The following STX17 variants were observed in gnomAD, a reference collection of about 807,000 sequenced individuals.
STX17 encodes the protein syntaxin-17.
A neutral mutation model predicts 35.9 loss-of-function variants in STX17; 29 were observed. The observed-to-expected ratio is 0.81, with a 90% CI of 0.60 to 1.10. STX17 has a LOEUF of 1.10. Among genes scored for constraint, STX17 ranks in the 50% least tolerant of loss-of-function variants. The pLI, the probability that STX17 is intolerant of heterozygous loss-of-function variation, is 0.00. For synonymous variants in STX17, 92 were observed against 118.3 expected, an observed-to-expected ratio of 0.78 and a Z score of 1.44; for missense variants, 312 against 352.3, an observed-to-expected ratio of 0.89 and a Z score of 0.92.
At chr9:99,945,684 G>A (rs1317738619) in intron 3 of STX17, 2 of 354,394 alleles carry the variant, frequency 5.6e-6, no homozygotes, top group East Asian at 2.0e-4. Flanking sequence ...TATTGATCTT[G>A]TTTTTTTTAA....
At chr9:99,960,288 A>AG (rs1295755445) in intron 6 of STX17, 133 bp downstream of exon 6, 1 of 894,028 alleles carries the variant, frequency 1.1e-6, no homozygotes, top group African/African-American at 1.7e-5. Context: ...CATAGATAGA[A>AG]GTTTAACTGT....
At chr9:99,908,061 C>A (rs950219677) in intron 1 of STX17, among the ~76,000 whole-genome samples, 3 of 152,174 alleles carry the variant, frequency 2.0e-5, no homozygotes, top group African/African-American at 7.2e-5. Flanking sequence ...CCAGTGTTCT[C>A]TCATGATTAG....
intron 1 of STX17, among the ~76,000 whole-genome samples, chr9:99,907,659 A>T (rs1411812622): frequency 6.6e-6 from 1 of 152,188 alleles, no homozygotes; most frequent in East Asian, 1.9e-4. Flanking sequence ...ATACTAAAAA[A>T]CTTTTTTATT....
At chr9:99,919,465 A>T (rs897272719) in intron 2 of STX17, among the ~76,000 whole-genome samples, 7 of 152,284 alleles carry the variant, frequency 4.6e-5, no homozygotes, top group Admixed American at 3.9e-4. Context: ...GCAGGCTTAC[A>T]TTTTAGCTTT....
intron 1 of STX17, among the ~76,000 whole-genome samples, chr9:99,909,898 CCTA>C: frequency 6.6e-6 from 1 of 151,920 alleles, no homozygotes; most frequent in Non-Finnish European, 1.5e-5. Context: ...TAAATATATA[CCTA>C]CTACTAATAT....
intron 1 of STX17, among the ~76,000 whole-genome samples, chr9:99,908,397 C>A (rs1449102624): frequency 6.6e-6 from 1 of 152,126 alleles, no homozygotes; most frequent in Non-Finnish European, 1.5e-5. Flanking sequence ...TTCCTCATTT[C>A]TTTATTAATT....
At position 99,969,449 on chromosome 9, in the gene STX17, G is replaced by A. The variant is rs893433275; in HGVS notation, c.*776G>A. ...TATGAAAAGTTCTTTGGTTTCTGGG[G>A]TGAATTCTACCCATGTATAATGAGG... On this transcript the variant is annotated 3_prime_UTR_variant, in exon 8 of 8. Coordinates refer to ENST00000259400, the MANE Select transcript of STX17 (RefSeq NM_017919.3). 2.0e-5 allele frequency: 3 copies of A among 152,082 alleles called. No individual in the cohort carries two copies. Among genetic ancestry groups the A allele is most frequent in the African/African-American group, 7.2e-5 (3 of 41,398 alleles). The allele number at this position is 152,082 out of a possible 1,614,324, so 9.4% of individuals were successfully genotyped here.
At chr9:99,958,448 A>C (rs1170872052) in intron 4 of STX17, among the ~76,000 whole-genome samples, 1 of 152,238 alleles carries the variant, frequency 6.6e-6, no homozygotes, top group Non-Finnish European at 1.5e-5. Context: ...ATCTGTTAAC[A>C]ATAGCAGCAG....
chr9:99,925,164 G>T (rs1360012833), intron 2 of STX17, among the ~76,000 whole-genome samples: 1 of 150,470 alleles, frequency 6.6e-6, no homozygotes, highest in African/African-American at 2.4e-5. Context: ...TTTTTTTAGT[G>T]GTTGCTTTAT....
chr9:99,967,463 G>GA (rs1829937596), intron 6 of STX17, 190 bp from the exon 7 acceptor site: 2 of 344,208 alleles, frequency 5.8e-6, no homozygotes, highest in Admixed American at 4.9e-5. Flanking sequence ...TAATAATTAA[G>GA]ACCCCCCCCT....
chr9:99,920,619 C>G (rs186171436), intron 2 of STX17, among the ~76,000 whole-genome samples: 1 of 152,174 alleles, frequency 6.6e-6, no homozygotes. Context: ...GGCACTACTT[C>G]AAACTACCTC....
At chr9:99,954,899 G>A (rs1384968454) in intron 4 of STX17, among the ~76,000 whole-genome samples, 1 of 152,084 alleles carries the variant, frequency 6.6e-6, no homozygotes, top group Non-Finnish European at 1.5e-5. Context: ...TAAGTTTAGG[G>A]AGAAGCTGTG....
intron 4 of STX17, among the ~76,000 whole-genome samples, chr9:99,956,912 A>G (rs973439282): frequency 2.0e-5 from 3 of 152,248 alleles, no homozygotes; most frequent in African/African-American, 7.2e-5. Flanking sequence ...TTGAGAGAAC[A>G]TGAACTTAGA....
At chr9:99,926,782 G>A (rs1828994856) in intron 2 of STX17, among the ~76,000 whole-genome samples, 1 of 152,224 alleles carries the variant, frequency 6.6e-6, no homozygotes, top group African/African-American at 2.4e-5. Context: ...ACAGGCGTGA[G>A]CCACTGCGCC....
At chr9:99,955,296 G>GTA (rs1162033812) in intron 4 of STX17, among the ~76,000 whole-genome samples, 1 of 151,940 alleles carries the variant, frequency 6.6e-6, no homozygotes, top group Non-Finnish European at 1.5e-5. Context: ...TTTATCACAG[G>GTA]TATATACATG....
chr9:99,945,841 G>T, intron 3 of STX17: 1 of 262,446 alleles, frequency 3.8e-6, no homozygotes, highest in Non-Finnish European at 7.6e-6. Context: ...CAGCACTTTG[G>T]GAGGCTGAGG....
intron 3 of STX17, among the ~76,000 whole-genome samples, chr9:99,943,424 C>T (rs1829408596): frequency 6.6e-6 from 1 of 152,224 alleles, no homozygotes; most frequent in African/African-American, 2.4e-5. Context: ...TCTCCTGCCT[C>T]AGCCTCCCAA....
At chr9:99,959,506 C>G (rs1260913062) in intron 4 of STX17, among the ~76,000 whole-genome samples, 1 of 134,678 alleles carries the variant, frequency 7.4e-6, no homozygotes, top group African/African-American at 2.8e-5. Flanking sequence ...TTCACCTAGG[C>G]TGGAGTGCAG....
chr9:99,960,505 A>G (rs747584491), intron 6 of STX17, among the ~76,000 whole-genome samples: 8 of 151,388 alleles, frequency 5.3e-5, no homozygotes, highest in Non-Finnish European at 1.2e-4. Flanking sequence ...ATGCAGTGGC[A>G]CAGTCTTGGC....
Sources: gnomAD v4.1 joint callset for allele counts (sites outside exome capture counted in the v4.1 genomes callset) on GRCh38, gnomAD v4.1.1 for gene constraint, MANE v1.5 for transcripts, NCBI Gene and HGNC (gene_info 2026-07-23, HGNC 2026-07-21) for gene names.